ABCB11: variants seen among roughly 807,000 people sequenced by gnomAD.
The protein encoded by ABCB11 is ATP binding cassette subfamily B member 11.
In ABCB11, 95 loss-of-function variants were observed where a neutral mutation model predicts 148.0. The observed-to-expected ratio is 0.64, with a 90% confidence interval of 0.54 to 0.76. The LOEUF is 0.76. Ranked by LOEUF, ABCB11 falls within the 30% of genes least tolerant of loss-of-function variation. The pLI is 0.00. For synonymous variants in ABCB11, 591 were observed against 555.4 expected, an observed-to-expected ratio of 1.06 and a Z score of -0.90; for missense variants, 1,523 against 1,617.8, an observed-to-expected ratio of 0.94 and a Z score of 1.01.
chr2:168,927,158 C>T lies in ABCB11; in HGVS notation c.3616G>A (p.Glu1206Lys). 2 of 1,613,354 alleles carry T rather than the reference C, an allele frequency of 1.2e-6. No individual in the cohort carries two copies. Among genetic ancestry groups the T allele is most frequent in the South Asian group, 1.1e-5 (1 of 91,056 alleles). ...AATGGCTCTGACTTCGTACTCACCT[C>T]TGGGAGTGACATGACAAAATCATGC... ...QLHDFVMSLP[E>K]KYETNVGSQG... is the part of the protein sequence containing the mutation. The change falls in exon 26 of 28, where the codon GAG becomes AAG. Residue 1206 changes from glutamate (E) to lysine (K), a missense_variant and splice_region_variant. By Grantham distance (56) the Glu-to-Lys change is moderately conservative. Transcript: ENST00000650372.
Position 168,927,160 on chromosome 2 carries a change from G to T in ABCB11, c.3614C>A (p.Pro1205Gln). 2 of 1,613,214 alleles carry T rather than the reference G, an allele frequency of 1.2e-6. No individual in the cohort carries two copies. Among genetic ancestry groups the T allele is most frequent in the Non-Finnish European group, 1.7e-6 (2 of 1,179,328 alleles). The change falls in exon 26 of 28, where the codon CCA (proline) becomes CAA (glutamine). Residue 1205 changes from proline to glutamine, a missense_variant. Coordinates refer to ENST00000650372, the MANE Select transcript of ABCB11 (RefSeq NM_003742.4). Reference sequence around the variant, plus strand: ...TGGCTCTGACTTCGTACTCACCTCTGGGAGTGACATGACAAAATCATGCAG... The same window carrying T: ...TGGCTCTGACTTCGTACTCACCTCTTGGAGTGACATGACAAAATCATGCAG... ...AQLHDFVMSL[P>Q]EKYETNVGSQ...
chr2:168,970,662 G>T (rs888088617), intron 14 of ABCB11: 5 of 289,060 alleles, frequency 1.7e-5, no homozygotes, highest in African/African-American at 8.9e-5. Context: ...ATTGACAAAA[G>T]ATGGTTACTG....
chr2:168,972,033 A>G lies in ABCB11; in HGVS notation c.1452T>C (p.His484=), dbSNP rs2105964356. ...PCEGMVTVDG[H]DIRSLNIQWL... is the part of the protein sequence containing the mutation. ...ACTGAATGTTAAGAGAGCGAATGTC[A>G]TGGCCATCCACGGTCACCTAGAGAG... Residue 484 remains histidine, a synonymous_variant, in exon 14 of 28, where the codon CAT becomes CAC. Transcript: ENST00000650372. 1.9e-6 allele frequency: 3 copies of G among 1,612,650 alleles called. No individual in the cohort carries two copies. Among genetic ancestry groups the G allele is most frequent in the East Asian group, 2.2e-5 (1 of 44,716 alleles).
At position 168,995,297 on chromosome 2, in the gene ABCB11, G is replaced by T. The variant is rs1426116776; in HGVS notation, c.611+52C>A. On this transcript the variant is annotated intron_variant, in intron 7 of 27. Transcript: ENST00000650372. ...ATTTTTATTTAATTTAGAAACAAGG[G>T]TTTTATTATCCAAAAATCACACACT... The T allele has an allele frequency of 5.2e-6, 8 of 1,546,508 alleles. No individual in the cohort carries two copies. In the African/African-American group the frequency reaches 6.9e-5, roughly 13 times the overall value.
At chr2:168,945,543 A>G (rs1049014738) in intron 19 of ABCB11, among the ~76,000 whole-genome samples, 12 of 151,688 alleles carry the variant, frequency 7.9e-5, no homozygotes, top group African/African-American at 2.9e-4. Flanking sequence ...AGAAAGAAGG[A>G]AGAAAGGAAG....
intron 23 of ABCB11, among the ~76,000 whole-genome samples, chr2:168,932,926 G>A (rs987019131): frequency 6.6e-6 from 1 of 151,956 alleles, no homozygotes; most frequent in African/African-American, 2.4e-5. Context: ...TGGCTAACAC[G>A]GTGAAACCCC....
At chr2:168,935,678 CCAAGGA>C (rs1356682959) in intron 22 of ABCB11, among the ~76,000 whole-genome samples, 1 of 152,032 alleles carries the variant, frequency 6.6e-6, no homozygotes, top group Non-Finnish European at 1.5e-5. Flanking sequence ...CATTTACCCC[CCAAGGA>C]CAAGATATTA....
At chr2:168,935,957 A>G (rs762599059) in intron 22 of ABCB11, among the ~76,000 whole-genome samples, 1 of 152,210 alleles carries the variant, frequency 6.6e-6, no homozygotes, top group African/African-American at 2.4e-5. Flanking sequence ...CCAAATTGGA[A>G]TGTGGAATGA....
intron 19 of ABCB11, among the ~76,000 whole-genome samples, chr2:168,953,422 G>A (rs1015521969): frequency 7.0e-6 from 1 of 143,694 alleles, no homozygotes; most frequent in African/African-American, 2.5e-5. Flanking sequence ...ATAACGTTTT[G>A]TTGAATTTAT....
At chr2:168,977,596 C>T (rs781038587) in intron 11 of ABCB11, among the ~76,000 whole-genome samples, 19 of 152,168 alleles carry the variant, frequency 1.2e-4, no homozygotes, top group Non-Finnish European at 2.4e-4. Context: ...AAATTCATCA[C>T]TGTATTAGTC....
chr2:169,023,849 G>T (rs1215276812), intron 1 of ABCB11, among the ~76,000 whole-genome samples: 1 of 152,190 alleles, frequency 6.6e-6, no homozygotes, highest in Admixed American at 6.5e-5. Context: ...CCCCTGAACT[G>T]TATCTGCATG....
chr2:168,995,859 G>A (rs768866768), intron 6 of ABCB11, among the ~76,000 whole-genome samples: 2 of 150,594 alleles, frequency 1.3e-5, no homozygotes, highest in Admixed American at 6.7e-5. Context: ...ATTTCCTCCC[G>A]GAAAGACCTG....
intron 9 of ABCB11, among the ~76,000 whole-genome samples, chr2:168,987,464 C>T (rs1573943842): frequency 6.6e-6 from 1 of 152,254 alleles, no homozygotes; most frequent in South Asian, 2.1e-4. Context: ...GGTCTCACTC[C>T]ATCATTCAGG....
chr2:168,925,153 C>T (rs1407997993), intron 26 of ABCB11, among the ~76,000 whole-genome samples: 2 of 152,196 alleles, frequency 1.3e-5, no homozygotes, highest in African/African-American at 4.8e-5. Flanking sequence ...CTGGAAAAAT[C>T]CTTCCAATAT....
intron 26 of ABCB11, among the ~76,000 whole-genome samples, chr2:168,926,457 T>C (rs1344648573): frequency 6.6e-6 from 1 of 152,166 alleles, no homozygotes; most frequent in Non-Finnish European, 1.5e-5. Flanking sequence ...GAAAGGATAA[T>C]TGTCCCAAAG....
chr2:168,997,056 C>G (rs77727539), intron 5 of ABCB11, among the ~76,000 whole-genome samples: 1 of 151,868 alleles, frequency 6.6e-6, no homozygotes, highest in Non-Finnish European at 1.5e-5. Context: ...TAAATGGCAG[C>G]CCAGGGCTTG....
At chr2:168,942,123 CA>C (rs1380868315) in intron 21 of ABCB11, among the ~76,000 whole-genome samples, 1 of 151,836 alleles carries the variant, frequency 6.6e-6, no homozygotes, top group African/African-American at 2.4e-5. Context: ...CAAAAACTAA[CA>C]GCTTTCATCT....
At position 168,983,796 on chromosome 2, in the gene ABCB11, T is replaced by C. The variant is rs114975345; in HGVS notation, c.1083+2314A>G. Among the ~76,000 whole-genome samples, 927 of 152,254 alleles carry C rather than the reference T, an allele frequency of 6.1e-3. 9 individuals are homozygous for C. The highest frequency in any genetic ancestry group is 0.021 in the African/African-American group (878 of 41,548). On this transcript the variant is annotated intron_variant, in intron 10 of 27. Coordinates refer to ENST00000650372, the MANE Select transcript of ABCB11 (RefSeq NM_003742.4). ...ATTTCTGGTATACAAGGTTTTGATA[T>C]TTTTCATTGTTTGCTCTATCCGGAA... is the stretch of plus-strand genomic sequence containing the variant.
intron 7 of ABCB11, among the ~76,000 whole-genome samples, chr2:168,994,375 A>T (rs13403911): frequency 0.05 from 7,583 of 152,166 alleles, 628 homozygotes; most frequent in African/African-American, 0.17. Context: ...TGCATTCTGC[A>T]TATAGGCAGT....
Sources: allele counts gnomAD v4.1 joint callset (sites outside exome capture counted in the v4.1 genomes callset), GRCh38; gene constraint gnomAD v4.1.1; transcripts MANE v1.5; gene names NCBI Gene and HGNC (gene_info 2026-07-23, HGNC 2026-07-21).